ADK: variants seen among roughly 807,000 people sequenced by gnomAD.
ADK encodes the protein adenosine kinase, also known as N6,N6-dimethyladenosine kinase.
In ADK, 24 loss-of-function variants were observed where a neutral mutation model predicts 44.7. The observed-to-expected ratio is 0.54, with a 90% confidence interval of 0.39 to 0.76. ADK has a LOEUF of 0.76. Ranked by LOEUF, ADK falls within the 30% of genes least tolerant of loss-of-function variation. The probability of loss-of-function intolerance (pLI) is 0.00; values close to 1 mark genes in which losing one functional copy is unlikely to be tolerated. For synonymous variants in ADK, 128 were observed against 142.6 expected, an observed-to-expected ratio of 0.90 and a Z score of 0.73; for missense variants, 321 against 425.1, an observed-to-expected ratio of 0.76 and a Z score of 2.15.
intron 1 of ADK, among the ~76,000 whole-genome samples, chr10:74,193,116 A>G (rs961163698): frequency 1.3e-5 from 2 of 152,070 alleles, no homozygotes; most frequent in African/African-American, 2.4e-5. Context: ...ACCTATTTTC[A>G]TGAAATCCCT....
chr10:74,379,556 C>T (rs1282868865), intron 4 of ADK, among the ~76,000 whole-genome samples: 4 of 152,100 alleles, frequency 2.6e-5, no homozygotes, highest in South Asian at 2.1e-4. Flanking sequence ...TTTTTCTAAC[C>T]GTTTTCATCT....
chr10:74,363,664 G>A (rs938756510), intron 4 of ADK, among the ~76,000 whole-genome samples: 1 of 152,146 alleles, frequency 6.6e-6, no homozygotes, highest in Admixed American at 6.5e-5. Flanking sequence ...AGGAAAGGCT[G>A]GAGCTGAGAC....
intron 6 of ADK, among the ~76,000 whole-genome samples, chr10:74,473,432 G>C (rs1589146423): frequency 6.6e-6 from 1 of 152,224 alleles, no homozygotes; most frequent in East Asian, 1.9e-4. Flanking sequence ...TATTTTCCCA[G>C]TTTCTTAAGT....
chr10:74,373,634 C>T (rs1448294152), intron 4 of ADK, among the ~76,000 whole-genome samples: 1 of 152,086 alleles, frequency 6.6e-6, no homozygotes, highest in Non-Finnish European at 1.5e-5. Flanking sequence ...TTCACTCCTG[C>T]TAGGATGATG....
At chr10:74,662,096 G>A (rs776907508) in intron 9 of ADK, among the ~76,000 whole-genome samples, 16 of 152,106 alleles carry the variant, frequency 1.1e-4, no homozygotes, top group Non-Finnish European at 1.5e-4. Flanking sequence ...TTATAACACT[G>A]TTAATACTTA....
chr10:74,703,762 G>A (rs569797710), intron 10 of ADK, among the ~76,000 whole-genome samples: 5 of 152,290 alleles, frequency 3.3e-5, no homozygotes, highest in Admixed American at 2.6e-4. Flanking sequence ...AGCTATGTAA[G>A]AGAATATCCT....
intron 6 of ADK, among the ~76,000 whole-genome samples, chr10:74,422,795 T>C (rs554876403): frequency 4.6e-5 from 7 of 152,336 alleles, no homozygotes; most frequent in African/African-American, 1.7e-4. Flanking sequence ...CATTGTGATT[T>C]AGTCAGAACA....
intron 9 of ADK, among the ~76,000 whole-genome samples, chr10:74,657,972 A>G (rs1004513462): frequency 6.6e-6 from 1 of 152,238 alleles, no homozygotes; most frequent in African/African-American, 2.4e-5. Flanking sequence ...GACTTGATAC[A>G]TACACAAGAA....
chr10:74,443,264 A>G (rs757659722), intron 6 of ADK, among the ~76,000 whole-genome samples: 1 of 152,220 alleles, frequency 6.6e-6, no homozygotes, highest in Non-Finnish European at 1.5e-5. Context: ...TCAAAACATC[A>G]TATTTTATAC....
chr10:74,590,251 G>A (rs1170481872), intron 8 of ADK, among the ~76,000 whole-genome samples: 1 of 152,110 alleles, frequency 6.6e-6, no homozygotes, highest in Non-Finnish European at 1.5e-5. Context: ...AACCACAGCC[G>A]AAATGTAGGA....
rs1843649939 is a variant in ADK at position 74,207,561 on chromosome 10, A to T, written c.140+6723A>T. Among the ~76,000 whole-genome samples the T allele has an allele frequency of 3.3e-5, 5 of 152,280 alleles. No homozygotes were observed. In the South Asian group the frequency reaches 1.0e-3, roughly 32 times the overall value. ...CTTTCTGCAGGCAGGTCGTCCTGAC[A>T]AGTGTTCACCTCTCAGTGAGATGAG... is the stretch of plus-strand genomic sequence containing the variant. On this transcript the variant is annotated intron_variant, in intron 2 of 10. Transcript: ENST00000539909.
At chr10:74,507,460 A>C (rs1436671870) in intron 6 of ADK, among the ~76,000 whole-genome samples, 1 of 151,722 alleles carries the variant, frequency 6.6e-6, no homozygotes, top group Non-Finnish European at 1.5e-5. Flanking sequence ...AAAACATCCA[A>C]AAATTAACCA....
intron 4 of ADK, among the ~76,000 whole-genome samples, chr10:74,340,554 C>T (rs1016397803): frequency 1.3e-5 from 2 of 151,966 alleles, no homozygotes; most frequent in African/African-American, 2.4e-5. Context: ...GAATAGAAAC[C>T]TAGACTGTTT....
chr10:74,240,388 G>GTGTGTGTGTGTGTC (rs1206634554), intron 3 of ADK, among the ~76,000 whole-genome samples: 11 of 151,602 alleles, frequency 7.3e-5, no homozygotes, highest in African/African-American at 2.7e-4. Context: ...GTGTGTGTGT[G>GTGTGTGTGTGTGTC]TGTGTGTGTG....
At position 74,326,547 on chromosome 10, in the gene ADK, G is replaced by T. The variant is rs141405506; in HGVS notation, c.273+11802G>T. Among the ~76,000 whole-genome samples the T allele has an allele frequency of 3.4e-3, 522 of 152,168 alleles. 1 individual carries two copies. The highest frequency in any genetic ancestry group is 0.012 in the African/African-American group (483 of 41,500). On this transcript the variant is annotated intron_variant, in intron 4 of 10. Transcript: ENST00000539909. ...GATTGCTTGAGCTTAGGAGGTGGAG[G>T]CTGCAGTGAACTATGATCATGCCAC...
chr10:74,704,479 A>G (rs1243912742), intron 10 of ADK, among the ~76,000 whole-genome samples: 2 of 152,188 alleles, frequency 1.3e-5, no homozygotes, highest in Non-Finnish European at 2.9e-5. Flanking sequence ...CACATCAGAT[A>G]CTTTTTGAAG....
In ADK at chr10:74,511,055, G is replaced by A. The variant is rs1848300955; in HGVS notation, c.556-14201G>A. 3.9e-5 allele frequency among the ~76,000 whole-genome samples: 6 copies of A among 152,260 alleles called. No homozygotes were observed. In the South Asian group the frequency reaches 1.2e-3, roughly 32 times the overall value. On this transcript the variant is annotated intron_variant, in intron 6 of 10. Transcript: ENST00000539909. ...TTTTTGCATGCAGTGAGAGGTAGAA[G>A]TGTAGTTTCATTCTTCTGCATATGG...
At chr10:74,379,595 A>G (rs1842919796) in intron 4 of ADK, among the ~76,000 whole-genome samples, 1 of 152,160 alleles carries the variant, frequency 6.6e-6, no homozygotes. Flanking sequence ...CAGGTGTTAA[A>G]TTGTTTTAAT....
chr10:74,415,133 T>C (rs563837429), intron 6 of ADK, among the ~76,000 whole-genome samples: 29 of 152,326 alleles, frequency 1.9e-4, no homozygotes, highest in African/African-American at 6.7e-4. Context: ...TATGTGAGAT[T>C]GGAAACCACA....
Sources: gnomAD v4.1 joint callset for allele counts (sites outside exome capture counted in the v4.1 genomes callset) on GRCh38, gnomAD v4.1.1 for gene constraint, MANE v1.5 for transcripts, NCBI Gene and HGNC (gene_info 2026-07-23, HGNC 2026-07-21) for gene names.